CNKSR3: variants seen among roughly 807,000 people sequenced by gnomAD.
CNKSR3 encodes the protein connector enhancer of kinase suppressor of ras 3.
CNKSR3 carries 36 observed loss-of-function variants against 67.7 expected under a neutral mutation model. The ratio of observed to expected loss-of-function variants is 0.53; its 90% CI spans 0.41 to 0.70. CNKSR3 has a LOEUF of 0.70. CNKSR3 is among the 30% of genes least tolerant of loss of function. CNKSR3 has a pLI of 0.00. For missense variants in CNKSR3, 630 were observed against 695.2 expected (o/e 0.91, Z 1.05); for synonymous variants, 281 against 271.4 (o/e 1.04, Z -0.35).
At chr6:154,506,345 AAAG>A in intron 1 of CNKSR3, among the ~76,000 whole-genome samples, 1 of 152,200 alleles carries the variant, frequency 6.6e-6, no homozygotes, top group Non-Finnish European at 1.5e-5. Flanking sequence ...GAGGAAAGAG[AAAG>A]AAGAAAAGAA....
rs527242502 is a variant in CNKSR3, at chr6:154,400,046, T to C, written c.*6308A>G. ...ATGAGAATATCCTTATCCCTGGGTG[T>C]GAGGAGTAATTACTCTACTGCCCTT... is the stretch of plus-strand genomic sequence containing the variant. On this transcript the variant is annotated 3_prime_UTR_variant, in exon 13 of 13. Transcript: ENST00000607772. 6.6e-6 allele frequency: 1 copy of C among 152,308 alleles called. No individual in the cohort carries two copies. Among genetic ancestry groups the C allele is most frequent in the African/African-American group, 2.4e-5 (1 of 41,572 alleles). 9.4% of individuals were successfully genotyped at this position (152,308 alleles called of 1,614,324 possible).
rs1018580586 is a variant in CNKSR3, at chr6:154,430,722, C to T, written c.550-131G>A. On this transcript the variant is annotated intron_variant, in intron 5 of 12. Transcript: ENST00000607772. ...TGGCAATCATTTTGATAATTCTGCT[C>T]AGTGAATGCATGGCATTTAGACTCC... The T allele has an allele frequency of 3.8e-6, 3 of 793,506 alleles. No homozygotes were observed. The African/African-American group carries it at 5.3e-5, about 14-fold the overall frequency. The allele number at this position is 793,506 out of a possible 1,614,324, so 49.2% of individuals were successfully genotyped here.
Position 154,403,157 on chromosome 6 carries a change from T to A in CNKSR3, c.*3197A>T, listed in dbSNP as rs1784734985. ...ATAGGGGTAGGTGTTGAGTTGTGTC[T>A]GGGAGAGTTTTAACAATCACTCTTG... is the stretch of plus-strand genomic sequence containing the variant. On this transcript the variant is annotated 3_prime_UTR_variant, in exon 13 of 13. Coordinates refer to ENST00000607772, the MANE Select transcript of CNKSR3 (RefSeq NM_173515.4). 6.6e-6 allele frequency: 1 copy of A among 152,112 alleles called. No homozygotes were observed. The highest frequency in any genetic ancestry group is 6.5e-5 in the Admixed American group (1 of 15,272). 9.4% of individuals were successfully genotyped at this position (152,112 alleles called of 1,614,324 possible). A position where few individuals can be genotyped will look rare whatever the true frequency, so the allele number is the denominator to read the frequency against.
chr6:154,471,411 A>G (rs1034385663), intron 1 of CNKSR3, among the ~76,000 whole-genome samples: 12 of 152,118 alleles, frequency 7.9e-5, no homozygotes, highest in African/African-American at 2.9e-4. Context: ...GGTGGCACAG[A>G]GGCATGCAAT....
At chr6:154,496,307 A>G (rs1441968925) in intron 1 of CNKSR3, among the ~76,000 whole-genome samples, 1 of 152,114 alleles carries the variant, frequency 6.6e-6, no homozygotes, top group African/African-American at 2.4e-5. Flanking sequence ...GTAATAGAGA[A>G]CAGCAAAGGC....
chr6:154,440,590 C>T (rs570034462), intron 4 of CNKSR3, among the ~76,000 whole-genome samples: 1 of 152,292 alleles, frequency 6.6e-6, no homozygotes, highest in East Asian at 1.9e-4. Context: ...ACTAAGATAC[C>T]TAGGTCTGGG....
In CNKSR3 at chr6:154,404,614, T is replaced by C. The variant is rs981673032; in HGVS notation, c.*1740A>G. ...TGGGAGGCTGAGGCCGGCAGATCAG[T>C]TGAGGTTGGGAGTTTGAGACCAGCC... On this transcript the variant is annotated 3_prime_UTR_variant, in exon 13 of 13. Transcript: ENST00000607772. 6.6e-6 allele frequency: 1 copy of C among 152,136 alleles called. No individual in the cohort carries two copies. The highest frequency in any genetic ancestry group is 2.4e-5 in the African/African-American group (1 of 41,392). 9.4% of individuals were successfully genotyped at this position (152,136 alleles called of 1,614,324 possible). A position where few individuals can be genotyped will look rare whatever the true frequency, so the allele number is the denominator to read the frequency against.
intron 1 of CNKSR3, among the ~76,000 whole-genome samples, chr6:154,477,798 A>G (rs1786484479): frequency 6.6e-6 from 1 of 152,144 alleles, no homozygotes; most frequent in Non-Finnish European, 1.5e-5. Context: ...ACTTGTCATC[A>G]GCTCTCCTGC....
intron 1 of CNKSR3, among the ~76,000 whole-genome samples, chr6:154,484,439 C>T (rs1367874624): frequency 1.3e-5 from 2 of 152,306 alleles, no homozygotes; most frequent in South Asian, 2.1e-4. Flanking sequence ...GGCACAGTGG[C>T]TCACGCCTGT....
At chr6:154,498,996 C>A (rs1786929893) in intron 1 of CNKSR3, among the ~76,000 whole-genome samples, 1 of 152,172 alleles carries the variant, frequency 6.6e-6, no homozygotes, top group Non-Finnish European at 1.5e-5. Context: ...CACATGAAAG[C>A]TAAACAGGTC....
intron 4 of CNKSR3, among the ~76,000 whole-genome samples, chr6:154,440,076 A>G (rs776537660): frequency 1.3e-5 from 2 of 152,180 alleles, no homozygotes; most frequent in Non-Finnish European, 2.9e-5. Context: ...TACTTTATGC[A>G]CCATAAAAAA....
In CNKSR3 at chr6:154,422,505, C is replaced by CTGTAAATACAAGAGGTGG; in HGVS notation, c.945_945+1insCCACCTCTTGTATTTACA (p.Gln315_Thr316insProProLeuValPheThr). ...GGAGGTTTACAGTTAATCCCAGATA[C>CTGTAAATACAAGAGGTGG]CTGTACAAGAGGTGGCTTCCACCGT... On this transcript the variant is annotated inframe_insertion and splice_region_variant. Transcript: ENST00000607772. 6.2e-7 allele frequency: 1 copy of CTGTAAATACAAGAGGTGG among 1,613,362 alleles called. No individual in the cohort carries two copies. The highest frequency in any genetic ancestry group is 8.5e-7 in the Non-Finnish European group (1 of 1,179,402).
In CNKSR3 at chr6:154,510,139, G is replaced by A. The variant is rs1188772835; in HGVS notation, c.-25C>T. 1 of 1,613,918 alleles carries A rather than the reference G, an allele frequency of 6.2e-7. No individual in the cohort carries two copies. The highest frequency in any genetic ancestry group is 2.2e-5 in the East Asian group (1 of 44,858). ...TGGTAAACCGCTTCGCCTCTCGCTG[G>A]GCTGGAGAGTCGCAGATAAAGTGCT... On this transcript the variant is annotated 5_prime_UTR_variant, in exon 1 of 13. Transcript: ENST00000607772.
intron 1 of CNKSR3, among the ~76,000 whole-genome samples, chr6:154,452,060 C>A (rs182030310): frequency 1.3e-3 from 201 of 152,268 alleles, no homozygotes; most frequent in African/African-American, 4.5e-3. Context: ...CAGAGTCAAT[C>A]GTCTGCGGGG....
intron 1 of CNKSR3, among the ~76,000 whole-genome samples, chr6:154,457,802 T>A (rs1785990653): frequency 6.6e-6 from 1 of 152,142 alleles, no homozygotes; most frequent in Non-Finnish European, 1.5e-5. Flanking sequence ...AACCATCCTG[T>A]CCTTTACAGA....
rs574893057 is a variant in CNKSR3 at position 154,391,603 on chromosome 6, T to C, written c.*14751A>G. 2 of 152,252 alleles carry C rather than the reference T, an allele frequency of 1.3e-5. No individual in the cohort carries two copies. The highest frequency in any genetic ancestry group is 4.8e-5 in the African/African-American group (2 of 41,466). 9.4% of individuals were successfully genotyped at this position (152,252 alleles called of 1,614,324 possible). On this transcript the variant is annotated 3_prime_UTR_variant, in exon 13 of 13. Transcript: ENST00000607772. ...TGAGGTACTGGGGTTAGGACTTCAA[T>C]ATGTGAATTTGGAGAGAACGTAATT...
Position 154,395,033 on chromosome 6 carries a change from A to T in CNKSR3, c.*11321T>A, listed in dbSNP as rs1480293208. ...AAATGCGAAGGCTAAAGACCAGAGC[A>T]AGAGACCAAAATGCAGGGAGTACAG... On this transcript the variant is annotated 3_prime_UTR_variant, in exon 13 of 13. Transcript: ENST00000607772. The T allele has an allele frequency of 1.3e-5, 2 of 152,330 alleles. No individual in the cohort carries two copies. Among genetic ancestry groups the T allele is most frequent in the Non-Finnish European group, 2.9e-5 (2 of 68,128 alleles). 9.4% of individuals were successfully genotyped at this position (152,330 alleles called of 1,614,324 possible). A position where few individuals can be genotyped will look rare whatever the true frequency, so the allele number is the denominator to read the frequency against.
intron 12 of CNKSR3, among the ~76,000 whole-genome samples, chr6:154,408,881 G>A (rs953965074): frequency 6.6e-6 from 1 of 152,138 alleles, no homozygotes; most frequent in Non-Finnish European, 1.5e-5. Context: ...GAGGAGTGGA[G>A]GGAACAAGTA....
At chr6:154,450,349 A>G in intron 1 of CNKSR3, 91 bp from the exon 2 acceptor site, 1 of 1,285,304 alleles carries the variant, frequency 7.8e-7, no homozygotes, top group Non-Finnish European at 1.1e-6. Context: ...AATCTCAGCA[A>G]TCAACAATTA....
Sources: gnomAD v4.1 joint callset for allele counts (sites outside exome capture counted in the v4.1 genomes callset) on GRCh38, gnomAD v4.1.1 for gene constraint, MANE v1.5 for transcripts, NCBI Gene and HGNC (gene_info 2026-07-23, HGNC 2026-07-21) for gene names.